The following TMEM131L variants were observed in gnomAD, a reference collection of about 807,000 sequenced individuals.
TMEM131L encodes transmembrane 131 like, also known as transmembrane protein 131-like.
TMEM131L carries 54 observed loss-of-function variants against 192.2 expected under a neutral mutation model. The observed-to-expected ratio is 0.28, with a 90% confidence interval of 0.23 to 0.35. TMEM131L has a LOEUF of 0.35. TMEM131L is among the 10% of genes least tolerant of loss of function. The pLI, the probability that TMEM131L is intolerant of heterozygous loss-of-function variation, is 1.00. For missense variants in TMEM131L, 1,888 were observed against 1,972.9 expected, an observed-to-expected ratio of 0.96 and a Z score of 0.82; for synonymous variants, 701 against 704.9, an observed-to-expected ratio of 0.99 and a Z score of 0.09.
intron 3 of TMEM131L, among the ~76,000 whole-genome samples, chr4:153,526,669 C>T (rs539883636): frequency 2.1e-4 from 31 of 151,216 alleles, no homozygotes; most frequent in South Asian, 1.3e-3. Context: ...ACCCGGGAGG[C>T]GGAGCTTGCA....
At chr4:153,517,364 C>T (rs1469929095) in intron 3 of TMEM131L, among the ~76,000 whole-genome samples, 1 of 152,204 alleles carries the variant, frequency 6.6e-6, no homozygotes, top group Non-Finnish European at 1.5e-5. Context: ...CATGTTCTCT[C>T]ATCCTCCCTT....
chr4:153,632,599 T>G, intron 31 of TMEM131L, 119 bp from the exon 32 acceptor site: 1 of 1,047,504 alleles, frequency 9.5e-7, no homozygotes, highest in African/African-American at 1.6e-5. Flanking sequence ...CGAAAGGAGT[T>G]AGTCAGCATG....
intron 2 of TMEM131L, among the ~76,000 whole-genome samples, chr4:153,471,383 T>C (rs1376181167): frequency 6.6e-6 from 1 of 152,152 alleles, no homozygotes; most frequent in African/African-American, 2.4e-5. Context: ...TGCCCTGCTG[T>C]GGCCACAGTG....
intron 3 of TMEM131L, among the ~76,000 whole-genome samples, chr4:153,532,554 G>C (rs992861068): frequency 6.6e-6 from 1 of 151,944 alleles, no homozygotes; most frequent in African/African-American, 2.4e-5. Context: ...TTTGCAACCA[G>C]CAGCACACTC....
chr4:153,584,786 T>C (rs1192127899), intron 11 of TMEM131L, 49 bp from the exon 12 acceptor site: 2 of 1,335,602 alleles, frequency 1.5e-6, no homozygotes, highest in African/African-American at 1.4e-5. Context: ...TCAGGCTTAA[T>C]GAAAGAAAAG....
intron 3 of TMEM131L, among the ~76,000 whole-genome samples, chr4:153,474,736 A>G (rs1731406761): frequency 1.3e-5 from 2 of 152,078 alleles, no homozygotes; most frequent in South Asian, 2.1e-4. Context: ...TTGTATTTTT[A>G]GTAGAGACAG....
At position 153,527,889 on chromosome 4, in the gene TMEM131L, C is replaced by A. The variant is rs367725847; in HGVS notation, c.240-22184C>A. On this transcript the variant is annotated intron_variant, in intron 3 of 34. Transcript: ENST00000409959. Reference sequence around the variant, plus strand: ...CCTTTTACTGCGACCTGCCTCAGGACCACCTTGCATTTGTCTCTCTTCAGT... The same window carrying A: ...CCTTTTACTGCGACCTGCCTCAGGAACACCTTGCATTTGTCTCTCTTCAGT... Among the ~76,000 whole-genome samples the A allele has an allele frequency of 5.0e-4, 76 of 152,302 alleles. 1 individual carries two copies. The highest frequency in any genetic ancestry group is 1.8e-3 in the African/African-American group (74 of 41,568).
At chr4:153,504,440 C>T (rs760619140) in intron 3 of TMEM131L, among the ~76,000 whole-genome samples, 25 of 151,156 alleles carry the variant, frequency 1.7e-4, no homozygotes, top group African/African-American at 4.6e-4. Flanking sequence ...CTACCACGCC[C>T]GGCTAATTTT....
At chr4:153,590,288 G>A (rs533563027) in intron 16 of TMEM131L, among the ~76,000 whole-genome samples, 1 of 152,190 alleles carries the variant, frequency 6.6e-6, no homozygotes, top group East Asian at 1.9e-4. Context: ...TTTTCTGATT[G>A]TTTCCTCAAG....
chr4:153,627,780 G>A, intron 31 of TMEM131L, 93 bp downstream of exon 31: 1 of 995,426 alleles, frequency 1.0e-6, no homozygotes, highest in Non-Finnish European at 1.5e-6. Flanking sequence ...GAGCAGGCGG[G>A]GTGGGACAGG....
chr4:153,496,828 A>T (rs1481507049), intron 3 of TMEM131L, among the ~76,000 whole-genome samples: 1 of 150,234 alleles, frequency 6.7e-6, no homozygotes, highest in Non-Finnish European at 1.5e-5. Context: ...CTGGGATTAC[A>T]GGTGTGAGCC....
chr4:153,621,838 A>G lies in TMEM131L; in HGVS notation c.3848A>G (p.Gln1283Arg), dbSNP rs144748311. ...AEIASSLPAA[Q>R]REAEGYYQKP... is the part of the protein sequence containing the mutation. Reference sequence around the variant, plus strand: ...ATTGCAAGCAGTTTACCTGCTGCCCAGAGAGAGGCAGGTATGTAATGATAC... The same window carrying G: ...ATTGCAAGCAGTTTACCTGCTGCCCGGAGAGAGGCAGGTATGTAATGATAC... Residue 1283 changes from glutamine to arginine, a missense_variant, in exon 28 of 35, where the codon CAG (glutamine) becomes CGG (arginine). Coordinates refer to ENST00000409959, the MANE Select transcript of TMEM131L (RefSeq NM_001131007.2). The G allele has an allele frequency of 5.0e-6, 8 of 1,613,862 alleles. No homozygotes were observed. In the African/African-American group the frequency reaches 8.0e-5, roughly 16 times the overall value.
At chr4:153,580,980 G>A (rs1459934956) in intron 8 of TMEM131L, 77 bp downstream of exon 8, 7 of 1,057,086 alleles carry the variant, frequency 6.6e-6, no homozygotes, top group Admixed American at 3.8e-5. Context: ...AAGGCTGGGC[G>A]CTGTGGCTCA....
intron 3 of TMEM131L, among the ~76,000 whole-genome samples, chr4:153,548,462 G>A (rs1386565017): frequency 1.3e-5 from 2 of 151,984 alleles, no homozygotes; most frequent in African/African-American, 2.4e-5. Flanking sequence ...CCGCCACCAC[G>A]CCCAGCTAAT....
intron 3 of TMEM131L, among the ~76,000 whole-genome samples, chr4:153,525,639 C>G (rs1427253106): frequency 6.6e-6 from 1 of 152,124 alleles, no homozygotes; most frequent in Non-Finnish European, 1.5e-5. Flanking sequence ...CGTGCCCAGC[C>G]CTTTTTCTTT....
intron 4 of TMEM131L, among the ~76,000 whole-genome samples, chr4:153,551,151 G>A (rs767160697): frequency 1.8e-4 from 28 of 152,150 alleles, no homozygotes; most frequent in Non-Finnish European, 3.4e-4. Context: ...GCTTGTTTCC[G>A]GGGCTGGCAA....
Position 153,602,728 on chromosome 4 carries a change from G to T in TMEM131L, c.2639+1G>T. On this transcript the variant is annotated splice_donor_variant, in intron 23 of 34. Coordinates refer to ENST00000409959, the MANE Select transcript of TMEM131L (RefSeq NM_001131007.2). LOFTEE classifies it high-confidence loss of function. The stretch of plus-strand genomic sequence containing the variant: ...GGAGGCTCACGGTCTTCTTTGTCAG[G>T]TAAACCACTACTGTCTCCCTTGTTC... The T allele has an allele frequency of 6.2e-7, 1 of 1,613,808 alleles. No individual in the cohort carries two copies. Among genetic ancestry groups the T allele is most frequent in the Non-Finnish European group, 8.5e-7 (1 of 1,179,820 alleles).
At chr4:153,620,722 T>A (rs1733333874) in intron 26 of TMEM131L, 34 bp from the exon 27 acceptor site, 1 of 1,367,618 alleles carries the variant, frequency 7.3e-7, no homozygotes, top group African/African-American at 1.5e-5. Context: ...CATATTTAGT[T>A]TAAACCATTA....
At chr4:153,549,362 T>C (rs1428399344) in intron 3 of TMEM131L, among the ~76,000 whole-genome samples, 2 of 152,272 alleles carry the variant, frequency 1.3e-5, no homozygotes, top group African/African-American at 4.8e-5. Flanking sequence ...TTTAGATTAA[T>C]AGAGCTTTTA....
Sources: allele counts gnomAD v4.1 joint callset (sites outside exome capture counted in the v4.1 genomes callset), GRCh38; gene constraint gnomAD v4.1.1; transcripts MANE v1.5; gene names NCBI Gene and HGNC (gene_info 2026-07-23, HGNC 2026-07-21).